Variants in C14orf39 observed in about 807,000 individuals in gnomAD.
C14orf39 encodes protein SIX6OS1.
A neutral mutation model predicts 85.6 loss-of-function variants in C14orf39; 66 were observed. That is an observed-to-expected ratio of 0.77 (90% CI 0.63 to 0.95). The LOEUF (loss-of-function observed/expected upper bound fraction) is 0.95. Ranked by LOEUF, C14orf39 falls within the 40% of genes least tolerant of loss-of-function variation. The pLI, the probability that C14orf39 is intolerant of heterozygous loss-of-function variation, is 0.00. For synonymous variants in C14orf39, 242 were observed against 214.0 expected (o/e 1.13, Z -1.14); for missense variants, 735 against 663.9 (o/e 1.11, Z -1.18).
At chr14:60,465,869 CACACACACACACACACACACA>C in intron 11 of C14orf39, 89 bp downstream of exon 11, 1 of 13,102 alleles carries the variant, frequency 7.6e-5, no homozygotes, top group Non-Finnish European at 4.8e-4. Context: ...CACACACACA[CACACACACACACACACACACA>C]CACGTCTGTG....
chr14:60,511,041 CTG>C, intron 1 of C14orf39: 2 of 1,599,520 alleles, frequency 1.3e-6, no homozygotes, highest in Non-Finnish European at 8.5e-7. Flanking sequence ...CGACGGGCGG[CTG>C]TGTTACGAGC....
chr14:60,451,098 C>A (rs1206794763), intron 16 of C14orf39, among the ~76,000 whole-genome samples: 1 of 152,126 alleles, frequency 6.6e-6, no homozygotes, highest in African/African-American at 2.4e-5. Flanking sequence ...AAAACATGAA[C>A]TCACCAAATG....
At chr14:60,509,814 C>G in intron 1 of C14orf39, 1 of 1,613,914 alleles carries the variant, frequency 6.2e-7, no homozygotes, top group Non-Finnish European at 8.5e-7. Context: ...AAGGAGCGCA[C>G]GCGGCACCTG....
At chr14:60,450,903 G>A (rs1891000155) in intron 16 of C14orf39, among the ~76,000 whole-genome samples, 1 of 152,208 alleles carries the variant, frequency 6.6e-6, no homozygotes, top group South Asian at 2.1e-4. Flanking sequence ...CACCAAGGCT[G>A]TACCTCTCTG....
Position 60,484,535 on chromosome 14 carries a change from G to C in C14orf39, c.106+346C>G, listed in dbSNP as rs1359157370. Among the ~76,000 whole-genome samples the C allele has an allele frequency of 6.6e-6, 1 of 151,900 alleles. No homozygotes were observed. The highest frequency in any genetic ancestry group is 1.9e-4 in the East Asian group (1 of 5,186). ...GTGGCATCTATCGATTTTGATCCCT[G>C]ATTTCTGGTGGTTTCTATAAAGATA... On this transcript the variant is annotated intron_variant, in intron 3 of 17. Transcript: ENST00000321731. This position sits in a 1 kb window ranked among gnomAD's most constrained non-coding sequence, Gnocchi z 4.2.
At chr14:60,511,625 T>C (rs1176577861) in intron 1 of C14orf39, 2 of 385,476 alleles carry the variant, frequency 5.2e-6, no homozygotes, top group Non-Finnish European at 9.8e-6. Context: ...TAACTTTCGC[T>C]TTAAAGTTTT....
At chr14:60,453,236 T>A (rs948286265) in intron 16 of C14orf39, among the ~76,000 whole-genome samples, 1 of 152,090 alleles carries the variant, frequency 6.6e-6, no homozygotes, top group African/African-American at 2.4e-5. Flanking sequence ...ATTTTGAAGC[T>A]GTTATTAGGC....
chr14:60,446,997 C>A (rs1042648298), intron 16 of C14orf39, among the ~76,000 whole-genome samples: 3 of 152,184 alleles, frequency 2.0e-5, no homozygotes, highest in South Asian at 4.1e-4. Flanking sequence ...CAAAATTCAA[C>A]ACCCCTTCAA....
At chr14:60,442,215 T>G in intron 16 of C14orf39, 84 bp from the exon 17 acceptor site, 1 of 830,214 alleles carries the variant, frequency 1.2e-6, no homozygotes, top group South Asian at 1.8e-5. Context: ...TAAAGCTTAG[T>G]TCTTCTAACA....
intron 4 of C14orf39, among the ~76,000 whole-genome samples, chr14:60,482,434 C>T (rs573595392): frequency 6.6e-6 from 1 of 152,220 alleles, no homozygotes; most frequent in East Asian, 1.9e-4. Flanking sequence ...TTTAATAATT[C>T]ATTTTCTATT....
intron 10 of C14orf39, 111 bp downstream of exon 10, chr14:60,466,806 C>T (rs1891809847): frequency 4.0e-6 from 3 of 745,430 alleles, no homozygotes; most frequent in Non-Finnish European, 5.7e-6. Flanking sequence ...GTTTATAGGT[C>T]TCCAGTATTG....
intron 1 of C14orf39, chr14:60,511,912 A>G (rs1893299966): frequency 6.4e-6 from 1 of 156,132 alleles, no homozygotes; most frequent in Non-Finnish European, 1.4e-5. Flanking sequence ...GGTCTTACCT[A>G]TATATCTTTT....
At chr14:60,477,361 T>C (rs1167757644) in intron 5 of C14orf39, among the ~76,000 whole-genome samples, 2 of 152,198 alleles carry the variant, frequency 1.3e-5, no homozygotes, top group African/African-American at 4.8e-5. Flanking sequence ...TTTTGCACGT[T>C]TTAGTTACAA....
intron 17 of C14orf39, among the ~76,000 whole-genome samples, chr14:60,441,307 C>A (rs1042468801): frequency 3.3e-5 from 5 of 152,164 alleles, no homozygotes; most frequent in Non-Finnish European, 7.3e-5. Flanking sequence ...TGCAACATGC[C>A]TTTTGTCCAT....
chr14:60,473,834 T>C (rs1030842844), intron 5 of C14orf39, among the ~76,000 whole-genome samples: 3 of 152,098 alleles, frequency 2.0e-5, no homozygotes, highest in Non-Finnish European at 4.4e-5. Flanking sequence ...AGTCAGGTAG[T>C]GTGATGCCTC....
At chr14:60,509,327 G>C in intron 1 of C14orf39, 1 of 1,345,882 alleles carries the variant, frequency 7.4e-7, no homozygotes, top group Admixed American at 1.7e-5. Flanking sequence ...GGCACACTCA[G>C]CCAGGCCCGC....
Position 60,466,939 on chromosome 14 carries a change from A to G in C14orf39, c.873T>C (p.His291=). 6.7e-7 allele frequency: 1 copy of G among 1,485,110 alleles called. No individual in the cohort carries two copies. The highest frequency in any genetic ancestry group is 8.9e-7 in the Non-Finnish European group (1 of 1,122,502). 92.0% of individuals were successfully genotyped at this position (1,485,110 alleles called of 1,614,324 possible). A position where few individuals can be genotyped will look rare whatever the true frequency, so the allele number is the denominator to read the frequency against. ...SQKLVRPIKM[H]SSEPRVADIK... is the part of the protein sequence containing the mutation. ...TACCTGCAACTCTTGGTTCTGAAGA[A>G]TGCATCTTTATTGGTCTTACTAATT... The change falls in exon 10 of 18, where the codon CAT becomes CAC. Residue 291 remains histidine, a synonymous_variant. Coordinates refer to ENST00000321731, the MANE Select transcript of C14orf39 (RefSeq NM_174978.3).
chr14:60,441,337 T>C (rs549304728), intron 17 of C14orf39, among the ~76,000 whole-genome samples: 2 of 152,276 alleles, frequency 1.3e-5, no homozygotes, highest in East Asian at 3.9e-4. Flanking sequence ...ACATGTTCCT[T>C]GGGTGGCAGT....
At chr14:60,458,258 C>T (rs1320621726) in intron 14 of C14orf39, among the ~76,000 whole-genome samples, 1 of 151,918 alleles carries the variant, frequency 6.6e-6, no homozygotes, top group Non-Finnish European at 1.5e-5. Context: ...TAATCAGCTT[C>T]TCTACGTTCC....
Sources: allele counts gnomAD v4.1 joint callset (sites outside exome capture counted in the v4.1 genomes callset), GRCh38; gene constraint gnomAD v4.1.1; non-coding constraint Gnocchi (gnomAD v3.1); transcripts MANE v1.5; gene names NCBI Gene and HGNC (gene_info 2026-07-23, HGNC 2026-07-21).